The following MAP4 variants were observed in gnomAD, a reference collection of about 807,000 sequenced individuals.
The protein encoded by MAP4 is microtubule-associated protein 4.
In MAP4, 76 loss-of-function variants were observed where a neutral mutation model predicts 170.2. That is an observed-to-expected ratio of 0.45 (90% CI 0.37 to 0.54). The LOEUF is 0.54. Among genes scored for constraint, MAP4 ranks in the 20% least tolerant of loss-of-function variants. MAP4 has a pLI of 0.00. For synonymous variants in MAP4, 909 were observed against 994.5 expected (o/e 0.91, Z 1.62); for missense variants, 2,506 against 2,748.0 (o/e 0.91, Z 1.97).
chr3:48,017,380 T>TC (rs1170961080), upstream of MAP4, among the ~76,000 whole-genome samples: 2 of 152,166 alleles, frequency 1.3e-5, no homozygotes, highest in African/African-American at 4.8e-5. Flanking sequence ...ACCTATCTTT[T>TC]CTTCTGCAAG....
intron 17 of MAP4, among the ~76,000 whole-genome samples, chr3:47,864,134 A>G (rs916592136): frequency 7.9e-5 from 12 of 151,916 alleles, no homozygotes; most frequent in Admixed American, 2.6e-4. Context: ...CATGCCACCT[A>G]ATGCTGCCAG....
chr3:47,990,683 A>C (rs1318814408), intron 2 of MAP4, among the ~76,000 whole-genome samples: 3 of 152,196 alleles, frequency 2.0e-5, no homozygotes, highest in African/African-American at 7.2e-5. Context: ...AAAGAACAAG[A>C]GTCACAGATG....
chr3:48,042,313 G>A (rs2100122027), intron 1 of MAP4, among the ~76,000 whole-genome samples: 1 of 152,170 alleles, frequency 6.6e-6, no homozygotes, highest in Admixed American at 6.5e-5. Context: ...TTGCCTGCTG[G>A]TGGGGAGAAA....
intron 1 of MAP4, among the ~76,000 whole-genome samples, chr3:48,007,525 T>C (rs2100102990): frequency 6.6e-6 from 1 of 152,166 alleles, no homozygotes; most frequent in Non-Finnish European, 1.5e-5. Context: ...ACCTGGGCCA[T>C]ATGACCCAGC....
At chr3:48,026,910 C>T (rs542748178) in intron 1 of MAP4, among the ~76,000 whole-genome samples, 4 of 152,312 alleles carry the variant, frequency 2.6e-5, no homozygotes, top group African/African-American at 9.6e-5. Flanking sequence ...GACTACCCCC[C>T]AAAAACCCTA....
intron 1 of MAP4, among the ~76,000 whole-genome samples, chr3:48,028,953 G>GCT (rs2100114497): frequency 1.3e-5 from 2 of 151,932 alleles, no homozygotes; most frequent in African/African-American, 4.8e-5. Flanking sequence ...GACCAGCCTG[G>GCT]GCAACATGGT....
intron 9 of MAP4, among the ~76,000 whole-genome samples, chr3:47,903,477 G>A (rs1300351290): frequency 6.6e-6 from 1 of 150,992 alleles, no homozygotes; most frequent in East Asian, 2.0e-4. Flanking sequence ...AGCGTGCAGT[G>A]AGCCGAGATC....
intron 15 of MAP4, 21 bp from the exon 16 acceptor site, chr3:47,869,348 G>C (rs1176691437): frequency 2.6e-6 from 4 of 1,518,788 alleles, no homozygotes; most frequent in Non-Finnish European, 3.7e-6. Context: ...ATAAAGGGAG[G>C]GCAAATTTCA....
chr3:47,917,689 G>C (rs1015498740), intron 6 of MAP4, among the ~76,000 whole-genome samples: 22 of 152,238 alleles, frequency 1.4e-4, no homozygotes, highest in Admixed American at 1.4e-3. Context: ...AAAATACTGG[G>C]AGGACAAGTA....
intron 17 of MAP4, among the ~76,000 whole-genome samples, chr3:47,862,035 C>T (rs2067210841): frequency 6.6e-6 from 1 of 151,218 alleles, no homozygotes. Flanking sequence ...GCGGCGGGTG[C>T]CTGTAGTCCC....
intron 3 of MAP4, among the ~76,000 whole-genome samples, chr3:47,952,411 G>T (rs2100064915): frequency 6.6e-6 from 1 of 152,212 alleles, no homozygotes. Flanking sequence ...TTGAGAACGG[G>T]CCATGATGAC....
chr3:48,010,397 CT>C (rs2100104623), intron 1 of MAP4, among the ~76,000 whole-genome samples: 1 of 152,124 alleles, frequency 6.6e-6, no homozygotes, highest in Non-Finnish European at 1.5e-5. Flanking sequence ...TTTATATTTC[CT>C]TTTCCTTTAT....
intron 1 of MAP4, among the ~76,000 whole-genome samples, chr3:48,076,617 T>C (rs1009904664): frequency 2.0e-5 from 3 of 151,774 alleles, no homozygotes; most frequent in Non-Finnish European, 4.4e-5. Context: ...AGGTGGAGGC[T>C]GCAGTGGGCA....
At chr3:47,985,891 C>T (rs2100088350) in intron 2 of MAP4, among the ~76,000 whole-genome samples, 1 of 152,208 alleles carries the variant, frequency 6.6e-6, no homozygotes. Flanking sequence ...AGGAATATCT[C>T]ATCAGCATTT....
intron 1 of MAP4, among the ~76,000 whole-genome samples, chr3:48,030,980 G>GA (rs765448749): frequency 1.4e-4 from 21 of 151,860 alleles, no homozygotes; most frequent in Admixed American, 1.2e-3. Context: ...CCAAGAGGTA[G>GA]AACATAACCC....
At chr3:47,871,142 G>A (rs1479966693) in intron 14 of MAP4, 37 bp from the exon 15 acceptor site, 15 of 1,611,224 alleles carry the variant, frequency 9.3e-6, no homozygotes, top group African/African-American at 1.3e-5. Flanking sequence ...ACGGGTTCAG[G>A]GAGAGAGAGA....
In MAP4 at chr3:47,965,196, A is replaced by T. The variant is rs181994621; in HGVS notation, c.292+12669T>A. ...TTTTTTCACTTAGCATAGTGTCTTCAAGGTTTATTCATGTTGTACCATATC... is the reference window on the plus strand; with the variant it reads ...TTTTTTCACTTAGCATAGTGTCTTCTAGGTTTATTCATGTTGTACCATATC... On this transcript the variant is annotated intron_variant, in intron 3 of 20. Coordinates refer to ENST00000683076, the MANE Select transcript of MAP4 (RefSeq NM_001385682.1). Among the ~76,000 whole-genome samples, 6 of 152,288 alleles carry T rather than the reference A, an allele frequency of 3.9e-5. 1 individual carries two copies. The South Asian group carries it at 6.2e-4, about 16-fold the overall frequency.
At position 47,916,274 on chromosome 3, in the gene MAP4, T is replaced by C; in HGVS notation, c.1553A>G (p.Lys518Arg). The change falls in exon 7 of 21, where the codon AAG (lysine) becomes AGG (arginine). Residue 518 changes from lysine (K) to arginine (R), a missense_variant. Around this residue, in one of 3 missense-constraint regions of MAP4, gnomAD observed 2,008 missense variants for 2,206.0 expected, o/e 0.91. Coordinates refer to ENST00000683076, the MANE Select transcript of MAP4 (RefSeq NM_001385682.1). ...PLSETEMALG[K>R]DVTPPPETEV... ...TGTTTCTGGAGGTGGAGTCACATCC[T>C]TGCCCAGAGCCATTTCTGTTTCTGA... The C allele has an allele frequency of 1.2e-6, 2 of 1,614,256 alleles. No homozygotes were observed. Among genetic ancestry groups the C allele is most frequent in the Non-Finnish European group, 1.7e-6 (2 of 1,180,040 alleles).
At chr3:47,919,749 T>C (rs2100041765) in intron 5 of MAP4, among the ~76,000 whole-genome samples, 1 of 152,138 alleles carries the variant, frequency 6.6e-6, no homozygotes, top group Non-Finnish European at 1.5e-5. Flanking sequence ...TAAAGGGTAA[T>C]ATAAAGATTC....
Sources: allele counts gnomAD v4.1 joint callset (sites outside exome capture counted in the v4.1 genomes callset), GRCh38; gene constraint gnomAD v4.1.1; regional missense constraint gnomAD v4.1.1; transcripts MANE v1.5; gene names NCBI Gene and HGNC (gene_info 2026-07-23, HGNC 2026-07-21).